GABRB1: variants seen among roughly 807,000 people sequenced by gnomAD.
The protein encoded by GABRB1 is gamma-aminobutyric acid receptor subunit beta-1.
A neutral mutation model predicts 51.6 loss-of-function variants in GABRB1; 17 were observed. The observed-to-expected ratio is 0.33, with a 90% CI of 0.23 to 0.49. GABRB1 has a LOEUF of 0.49. Among genes scored for constraint, GABRB1 ranks in the 20% least tolerant of loss-of-function variants. The pLI is 0.99. For synonymous variants in GABRB1, 247 were observed against 218.9 expected, an observed-to-expected ratio of 1.13 and a Z score of -1.14; for missense variants, 410 against 600.6, an observed-to-expected ratio of 0.68 and a Z score of 3.32.
At chr4:47,240,647 C>CA (rs1317860667) in intron 4 of GABRB1, among the ~76,000 whole-genome samples, 2 of 152,164 alleles carry the variant, frequency 1.3e-5, no homozygotes, top group South Asian at 4.1e-4. Flanking sequence ...ATTGCCTTTC[C>CA]TTTCATGGCA....
intron 4 of GABRB1, among the ~76,000 whole-genome samples, chr4:47,263,349 A>G (rs13121068): frequency 6.6e-6 from 1 of 152,110 alleles, no homozygotes; most frequent in East Asian, 1.9e-4. Flanking sequence ...AACCCATCGG[A>G]TAGCCACCTT....
At chr4:47,391,492 A>G (rs769431739) in intron 5 of GABRB1, among the ~76,000 whole-genome samples, 1 of 152,220 alleles carries the variant, frequency 6.6e-6, no homozygotes, top group Non-Finnish European at 1.5e-5. Context: ...GCGGCAAACC[A>G]TCACTGACTC....
intron 1 of GABRB1, among the ~76,000 whole-genome samples, chr4:47,012,595 A>T (rs1236810174): frequency 6.6e-6 from 1 of 152,216 alleles, no homozygotes; most frequent in Non-Finnish European, 1.5e-5. Flanking sequence ...AGCCTCTATA[A>T]CAAAAACAAT....
At chr4:47,371,788 T>C (rs1359474808) in intron 5 of GABRB1, among the ~76,000 whole-genome samples, 1 of 152,202 alleles carries the variant, frequency 6.6e-6, no homozygotes, top group Non-Finnish European at 1.5e-5. Flanking sequence ...TGGAGTTGTT[T>C]GGTTTTTTCT....
chr4:47,074,860 T>A (rs971931823), intron 3 of GABRB1, among the ~76,000 whole-genome samples: 4 of 152,192 alleles, frequency 2.6e-5, no homozygotes, highest in African/African-American at 9.6e-5. Flanking sequence ...GTACCAAAAG[T>A]AACTAAGTGG....
intron 3 of GABRB1, among the ~76,000 whole-genome samples, chr4:47,074,213 G>A (rs1024970905): frequency 6.6e-6 from 1 of 152,046 alleles, no homozygotes; most frequent in African/African-American, 2.4e-5. Context: ...CTAAAAGATA[G>A]TATATTAAAA....
chr4:47,134,106 T>C (rs187556567), intron 3 of GABRB1, among the ~76,000 whole-genome samples: 2 of 152,316 alleles, frequency 1.3e-5, no homozygotes, highest in Admixed American at 1.3e-4. Flanking sequence ...TGCATTGCTA[T>C]TTATAAGTTT....
At chr4:47,207,953 T>A (rs1156407229) in intron 4 of GABRB1, among the ~76,000 whole-genome samples, 1 of 152,028 alleles carries the variant, frequency 6.6e-6, no homozygotes, top group Non-Finnish European at 1.5e-5. Context: ...AAAAATTACC[T>A]AACTCCTGGC....
rs570745022 is a variant in GABRB1 at position 47,243,665 on chromosome 4, C to A, written c.462-76462C>A. ...TTTGAAGCAGTTGTGAATGGGAGTTCACTCATGATTTGGCTCTCTATCTGT... is the reference window on the plus strand; with the variant it reads ...TTTGAAGCAGTTGTGAATGGGAGTTAACTCATGATTTGGCTCTCTATCTGT... On this transcript the variant is annotated intron_variant, in intron 4 of 8. Coordinates refer to ENST00000295454, the MANE Select transcript of GABRB1 (RefSeq NM_000812.4). Among the ~76,000 whole-genome samples, 3 of 152,258 alleles carry A rather than the reference C, an allele frequency of 2.0e-5. No homozygotes were observed. In the South Asian group the frequency reaches 6.2e-4, roughly 32 times the overall value.
At chr4:47,031,432 T>A, upstream of GABRB1, 1 of 566,134 alleles carries the variant, frequency 1.8e-6, no homozygotes, top group East Asian at 3.0e-5. Context: ...TGTCTCTGAC[T>A]ACCCGGAGGA....
intron 4 of GABRB1, among the ~76,000 whole-genome samples, chr4:47,244,312 G>A (rs922789747): frequency 7.2e-5 from 11 of 152,192 alleles, no homozygotes; most frequent in East Asian, 5.8e-4. Flanking sequence ...TTTTTGCATC[G>A]ATGTTCATCA....
chr4:47,061,107 A>G (rs1454353551), intron 3 of GABRB1, among the ~76,000 whole-genome samples: 1 of 152,140 alleles, frequency 6.6e-6, no homozygotes, highest in Admixed American at 6.5e-5. Context: ...ACATAATTCT[A>G]TTTTTCTAAA....
intron 5 of GABRB1, among the ~76,000 whole-genome samples, chr4:47,376,815 CA>C (rs957979714): frequency 6.6e-6 from 1 of 152,158 alleles, no homozygotes; most frequent in African/African-American, 2.4e-5. Context: ...TCCTCAACCC[CA>C]GTGAGTCATG....
chr4:47,311,851 G>A (rs759064070), intron 4 of GABRB1, among the ~76,000 whole-genome samples: 1 of 151,970 alleles, frequency 6.6e-6, no homozygotes, highest in Non-Finnish European at 1.5e-5. Context: ...GCTTGAACCC[G>A]CAATCCATTA....
At chr4:47,167,139 G>C (rs1311910770) in intron 4 of GABRB1, among the ~76,000 whole-genome samples, 2 of 152,046 alleles carry the variant, frequency 1.3e-5, no homozygotes, top group African/African-American at 4.8e-5. Context: ...AAAAATTGTA[G>C]GATGCAGTCA....
intron 5 of GABRB1, among the ~76,000 whole-genome samples, chr4:47,367,614 C>A (rs1303503476): frequency 2.0e-5 from 3 of 152,238 alleles, no homozygotes; most frequent in Non-Finnish European, 4.4e-5. Flanking sequence ...TTCCCTAGAA[C>A]TCCTTTGCTG....
At chr4:47,237,328 G>A (rs1560291199) in intron 4 of GABRB1, among the ~76,000 whole-genome samples, 1 of 151,902 alleles carries the variant, frequency 6.6e-6, no homozygotes, top group Admixed American at 6.6e-5. Flanking sequence ...GACTATACAA[G>A]AGATTGAGAA....
chr4:47,014,341 T>C (rs1404509780), intron 1 of GABRB1, among the ~76,000 whole-genome samples: 1 of 152,240 alleles, frequency 6.6e-6, no homozygotes, highest in Non-Finnish European at 1.5e-5. Context: ...TTTGTCAATA[T>C]AAATTTTCAA....
rs549509985 is a variant in GABRB1 at position 47,304,335 on chromosome 4, T to C, written c.462-15792T>C. 5.9e-5 allele frequency among the ~76,000 whole-genome samples: 9 copies of C among 152,128 alleles called. No individual in the cohort carries two copies. The East Asian group carries it at 1.7e-3, about 29-fold the overall frequency. On this transcript the variant is annotated intron_variant, in intron 4 of 8. Coordinates refer to ENST00000295454, the MANE Select transcript of GABRB1 (RefSeq NM_000812.4). ...ATCTTTTTGATAATAACCATTCTAA[T>C]GGATATGAGGTAATATTTTGATTTT...
Sources: gnomAD v4.1 joint callset for allele counts (sites outside exome capture counted in the v4.1 genomes callset) on GRCh38, gnomAD v4.1.1 for gene constraint, MANE v1.5 for transcripts, NCBI Gene and HGNC (gene_info 2026-07-23, HGNC 2026-07-21) for gene names.